ARL8B: variants seen among roughly 807,000 people sequenced by gnomAD.
The protein encoded by ARL8B is ARF like GTPase 8B, also known as ADP-ribosylation factor-like protein 8B.
Under a neutral mutation model 30.6 loss-of-function variants are expected in ARL8B, and 9 were observed. The observed-to-expected ratio is 0.29, with a 90% CI of 0.18 to 0.51. The LOEUF (loss-of-function observed/expected upper bound fraction) is 0.51. Ranked by LOEUF, ARL8B falls within the 20% of genes least tolerant of loss-of-function variation. ARL8B has a pLI of 0.97. For missense variants in ARL8B, 130 were observed against 227.2 expected (o/e 0.57, Z 2.75); for synonymous variants, 74 against 76.0 (o/e 0.97, Z 0.14).
At chr3:5,124,040 A>G (rs551217110) in intron 1 of ARL8B, among the ~76,000 whole-genome samples, 3 of 152,114 alleles carry the variant, frequency 2.0e-5, no homozygotes, top group Non-Finnish European at 4.4e-5. Context: ...CGCCCGGCTA[A>G]TTACTTTTAG....
chr3:5,147,006 A>G (rs1281128927), intron 1 of ARL8B, among the ~76,000 whole-genome samples: 1 of 145,802 alleles, frequency 6.9e-6, no homozygotes, highest in Non-Finnish European at 1.5e-5. Context: ...CATGAGGGGG[A>G]TTACCTTTTC....
At position 5,122,950 on chromosome 3, in the gene ARL8B, C is replaced by A. The variant is rs1004924603; in HGVS notation, c.123+362C>A. On this transcript the variant is annotated intron_variant, in intron 1 of 6. Coordinates refer to ENST00000256496, the MANE Select transcript of ARL8B (RefSeq NM_018184.3). ...AGTAGGGGCAGCCAAAGAGTTAAGT[C>A]CAGTCTGTCACTTTCCCAAAGGGTG... is the stretch of plus-strand genomic sequence containing the variant. Among the ~76,000 whole-genome samples, 3 of 152,304 alleles carry A rather than the reference C, an allele frequency of 2.0e-5. No homozygotes were observed. In the East Asian group the frequency reaches 5.8e-4, roughly 29 times the overall value.
intron 1 of ARL8B, among the ~76,000 whole-genome samples, chr3:5,158,250 C>T (rs1226865934): frequency 6.6e-6 from 1 of 152,200 alleles, no homozygotes; most frequent in African/African-American, 2.4e-5. Context: ...TCCCAAAGTA[C>T]TGGGATTACA....
chr3:5,143,505 C>T lies in ARL8B; in HGVS notation c.123+20917C>T, dbSNP rs147166967. The stretch of plus-strand genomic sequence containing the variant: ...GAACCACCTGTGCCTGAGGTCCTCC[C>T]GTAGCACAGGTGATCCATGCACTTT... On this transcript the variant is annotated intron_variant, in intron 1 of 6. Coordinates refer to ENST00000256496, the MANE Select transcript of ARL8B (RefSeq NM_018184.3). Among the ~76,000 whole-genome samples the T allele has an allele frequency of 8.5e-5, 13 of 152,316 alleles. No homozygotes were observed. The East Asian group carries it at 9.7e-4, about 11-fold the overall frequency.
chr3:5,122,901 T>C (rs2054195250), intron 1 of ARL8B, among the ~76,000 whole-genome samples: 1 of 152,158 alleles, frequency 6.6e-6, no homozygotes, highest in Non-Finnish European at 1.5e-5. Context: ...CGCTTGGGGA[T>C]TGGGGTTTCC....
At chr3:5,172,605 G>A in intron 3 of ARL8B, 42 bp from the exon 4 acceptor site, 1 of 1,269,768 alleles carries the variant, frequency 7.9e-7, no homozygotes, top group Non-Finnish European at 1.1e-6. Flanking sequence ...CATCATCAAG[G>A]CATACAGAGA....
chr3:5,160,544 G>A (rs2054571905), intron 1 of ARL8B, among the ~76,000 whole-genome samples: 1 of 152,182 alleles, frequency 6.6e-6, no homozygotes, highest in African/African-American at 2.4e-5. Context: ...GGTTGTCTTT[G>A]TAAAGGAAGT....
At position 5,137,472 on chromosome 3, in the gene ARL8B, C is replaced by T. The variant is rs147849119; in HGVS notation, c.123+14884C>T. ...TTTTTTTTTGAGATGGAGTCTCACT[C>T]TATCACCCAGGCTGGAGTTCAGTAG... On this transcript the variant is annotated intron_variant, in intron 1 of 6. Coordinates refer to ENST00000256496, the MANE Select transcript of ARL8B (RefSeq NM_018184.3). 1.8e-3 allele frequency among the ~76,000 whole-genome samples: 261 copies of T among 141,896 alleles called. 2 individuals carry two copies. Among genetic ancestry groups the T allele is most frequent in the Non-Finnish European group, 3.1e-3 (206 of 66,466 alleles). The allele number at this position is 141,896 out of a possible 152,430, so 93.1% of individuals were successfully genotyped here.
intron 1 of ARL8B, among the ~76,000 whole-genome samples, chr3:5,152,734 C>T (rs1394621931): frequency 6.6e-6 from 1 of 152,218 alleles, no homozygotes; most frequent in Admixed American, 6.5e-5. Flanking sequence ...GATCCTCCTT[C>T]CTAGGCCTCT....
At chr3:5,144,181 G>C (rs2054399891) in intron 1 of ARL8B, among the ~76,000 whole-genome samples, 1 of 152,148 alleles carries the variant, frequency 6.6e-6, no homozygotes. Flanking sequence ...GGTACATTCT[G>C]TTCTAATTTT....
intron 1 of ARL8B, among the ~76,000 whole-genome samples, chr3:5,166,941 G>T (rs780350471): frequency 1.3e-5 from 2 of 152,112 alleles, no homozygotes; most frequent in South Asian, 4.2e-4. Flanking sequence ...TTAAATGAAC[G>T]GCCTATGAAT....
chr3:5,128,430 C>T (rs1237403794), intron 1 of ARL8B: 1 of 453,442 alleles, frequency 2.2e-6, no homozygotes, highest in Admixed American at 2.4e-5. Flanking sequence ...ACCCTTCATC[C>T]CCGCTCCAAT....
Position 5,174,397 on chromosome 3 carries a change from A to G in ARL8B, c.494A>G (p.Lys165Arg), listed in dbSNP as rs2054706369. The G allele has an allele frequency of 2.5e-6, 4 of 1,603,810 alleles. No homozygotes were observed. Among genetic ancestry groups the G allele is most frequent in the Non-Finnish European group, 3.4e-6 (4 of 1,171,030 alleles). ...ATTTGCTGCTATTCAATTTCTTGCA[A>G]AGAAAAGGATAATATAGGTAAGAAA... Reference protein sequence around the residue: ...REICCYSISCKEKDNIDITLQ... With the variant: ...REICCYSISCREKDNIDITLQ... The change falls in exon 6 of 7, where the codon AAA becomes AGA. Residue 165 changes from lysine to arginine, a missense_variant. Lys to Arg is a conservative substitution (Grantham distance 26). Coordinates refer to ENST00000256496, the MANE Select transcript of ARL8B (RefSeq NM_018184.3).
intron 1 of ARL8B, among the ~76,000 whole-genome samples, chr3:5,159,602 C>CAAAAAAAA (rs71053495): frequency 1.8e-4 from 14 of 76,938 alleles, no homozygotes; most frequent in Admixed American, 3.1e-4. Flanking sequence ...AACTCCGTCT[C>CAAAAAAAA]AAAAAAAAAA....
intron 1 of ARL8B, among the ~76,000 whole-genome samples, chr3:5,156,001 C>A (rs2054530367): frequency 6.6e-6 from 1 of 151,978 alleles, no homozygotes; most frequent in Non-Finnish European, 1.5e-5. Flanking sequence ...CTCCTAGGTT[C>A]AAGTGATTCT....
chr3:5,162,780 A>G (rs907450772), intron 1 of ARL8B, among the ~76,000 whole-genome samples: 6 of 152,078 alleles, frequency 3.9e-5, no homozygotes, highest in Non-Finnish European at 5.9e-5. Flanking sequence ...TATTTTTACT[A>G]TGGATTCAGT....
At chr3:5,176,632 G>A (rs546773060) in intron 6 of ARL8B, among the ~76,000 whole-genome samples, 8 of 152,224 alleles carry the variant, frequency 5.3e-5, no homozygotes, top group African/African-American at 1.4e-4. Flanking sequence ...TAGTAACAGC[G>A]GATAGACACA....
At chr3:5,151,788 G>A (rs2054487026) in intron 1 of ARL8B, among the ~76,000 whole-genome samples, 2 of 136,520 alleles carry the variant, frequency 1.5e-5, no homozygotes, top group Admixed American at 8.7e-5. Flanking sequence ...GTGTGATCAC[G>A]GCTGGCTGCA....
intron 1 of ARL8B, 55 bp from the exon 2 acceptor site, chr3:5,170,448 T>C (rs1351965516): frequency 8.4e-7 from 1 of 1,189,098 alleles, no homozygotes; most frequent in East Asian, 2.5e-5. Flanking sequence ...ATTAGAAGTT[T>C]ATGCAGTGTC....
Sources: gnomAD v4.1 joint callset for allele counts (sites outside exome capture counted in the v4.1 genomes callset) on GRCh38, gnomAD v4.1.1 for gene constraint, MANE v1.5 for transcripts, NCBI Gene and HGNC (gene_info 2026-07-23, HGNC 2026-07-21) for gene names.